Variants in SLC1A1 observed in about 807,000 individuals in gnomAD.
The protein encoded by SLC1A1 is solute carrier family 1 member 1, also known as excitatory amino acid transporter 3.
SLC1A1 carries 43 observed loss-of-function variants against 53.3 expected under a neutral mutation model. The ratio of observed to expected loss-of-function variants is 0.81; its 90% CI spans 0.63 to 1.04. The LOEUF (loss-of-function observed/expected upper bound fraction) is 1.04, where lower values mean the gene tolerates loss of function less well. SLC1A1 is among the 50% of genes least tolerant of loss of function. The pLI, the probability that SLC1A1 is intolerant of heterozygous loss-of-function variation, is 0.00. For missense variants in SLC1A1, 748 were observed against 664.9 expected (o/e 1.12, Z -1.37); for synonymous variants, 307 against 243.2 (o/e 1.26, Z -2.44).
intron 1 of SLC1A1, among the ~76,000 whole-genome samples, chr9:4,495,671 T>G (rs1300240182): frequency 1.3e-5 from 2 of 148,620 alleles, no homozygotes; most frequent in African/African-American, 5.0e-5. Flanking sequence ...AGGGAAAGAG[T>G]AGGAGGAGAT....
At chr9:4,497,090 T>A (rs919325153) in intron 1 of SLC1A1, among the ~76,000 whole-genome samples, 9 of 152,130 alleles carry the variant, frequency 5.9e-5, no homozygotes, top group Non-Finnish European at 1.2e-4. Context: ...TTCCTGTGGC[T>A]GCCCTAACAA....
At chr9:4,511,568 C>T (rs1273347445) in intron 1 of SLC1A1, among the ~76,000 whole-genome samples, 1 of 130,274 alleles carries the variant, frequency 7.7e-6, no homozygotes, top group Non-Finnish European at 1.7e-5. Flanking sequence ...AAGAATTCTA[C>T]ACACACACAC....
intron 5 of SLC1A1, among the ~76,000 whole-genome samples, 169 bp downstream of exon 5, chr9:4,566,258 C>G (rs1432542273): frequency 6.6e-6 from 1 of 152,186 alleles, no homozygotes; most frequent in African/African-American, 2.4e-5. Flanking sequence ...TTGTATGCAG[C>G]CTTTCTGGCT....
At chr9:4,527,707 T>C (rs900654222) in intron 1 of SLC1A1, among the ~76,000 whole-genome samples, 1 of 152,154 alleles carries the variant, frequency 6.6e-6, no homozygotes, top group Non-Finnish European at 1.5e-5. Context: ...CTAATGTCTA[T>C]GCGAACATCT....
chr9:4,585,423 C>T lies in SLC1A1; in HGVS notation c.1440C>T (p.Asn480=). The part of the protein sequence containing the change: ...LEQMDVSSEV[N]IVNPFALEST... ...AGATGGATGTTTCATCTGAAGTCAACATTGTGAATCCCTTTGCCTTGGAAT... is the reference window on the plus strand; with the variant it reads ...AGATGGATGTTTCATCTGAAGTCAATATTGTGAATCCCTTTGCCTTGGAAT... Residue 480 remains asparagine, a synonymous_variant, in exon 12 of 12, where the codon AAC becomes AAT. Coordinates refer to ENST00000262352, the MANE Select transcript of SLC1A1 (RefSeq NM_004170.6). 6.2e-7 allele frequency: 1 copy of T among 1,614,230 alleles called. No individual in the cohort carries two copies. Among genetic ancestry groups the T allele is most frequent in the South Asian group, 1.1e-5 (1 of 91,086 alleles).
chr9:4,557,414 T>C (rs1818515820), intron 2 of SLC1A1, among the ~76,000 whole-genome samples: 1 of 152,212 alleles, frequency 6.6e-6, no homozygotes, highest in Non-Finnish European at 1.5e-5. Flanking sequence ...CACTAAATGC[T>C]AAACACTGGT....
At chr9:4,544,281 G>A (rs756668888) in intron 1 of SLC1A1, among the ~76,000 whole-genome samples, 1 of 152,114 alleles carries the variant, frequency 6.6e-6, no homozygotes, top group Non-Finnish European at 1.5e-5. Context: ...TTTTCTCACA[G>A]TATTCTTTGA....
chr9:4,537,802 G>A (rs917063988), intron 1 of SLC1A1, among the ~76,000 whole-genome samples: 5 of 152,012 alleles, frequency 3.3e-5, no homozygotes, highest in South Asian at 2.1e-4. Flanking sequence ...ACTAACAGGT[G>A]TGGAATTTTG....
At chr9:4,505,237 TG>T (rs1430353591) in intron 1 of SLC1A1, among the ~76,000 whole-genome samples, 1 of 151,948 alleles carries the variant, frequency 6.6e-6, no homozygotes, top group African/African-American at 2.4e-5. Context: ...TTAATAAAGA[TG>T]GGGTTTCACC....
intron 7 of SLC1A1, among the ~76,000 whole-genome samples, chr9:4,573,000 G>T (rs1367058328): frequency 2.6e-5 from 4 of 152,170 alleles, no homozygotes; most frequent in African/African-American, 9.7e-5. Flanking sequence ...TTTAAAAAAT[G>T]ATTTGAAGGA....
chr9:4,517,123 G>A (rs1821187291), intron 1 of SLC1A1, among the ~76,000 whole-genome samples: 1 of 152,100 alleles, frequency 6.6e-6, no homozygotes, highest in Non-Finnish European at 1.5e-5. Flanking sequence ...AAAAGTGTTT[G>A]GGCCTTAGGC....
At chr9:4,513,356 A>G (rs1821057748) in intron 1 of SLC1A1, among the ~76,000 whole-genome samples, 1 of 152,218 alleles carries the variant, frequency 6.6e-6, no homozygotes, top group Non-Finnish European at 1.5e-5. Flanking sequence ...AAAACTAAGT[A>G]ATAAGAAAAC....
chr9:4,512,787 C>T (rs1352940578), intron 1 of SLC1A1, among the ~76,000 whole-genome samples: 1 of 151,706 alleles, frequency 6.6e-6, no homozygotes, highest in African/African-American at 2.4e-5. Flanking sequence ...TAAATTGAGA[C>T]AGGGTCTCAC....
rs1014428253 is a variant in SLC1A1, at chr9:4,544,741, T to G, written c.232+34T>G. The G allele has an allele frequency of 3.2e-6, 5 of 1,559,160 alleles. No individual in the cohort carries two copies. In the African/African-American group the frequency reaches 5.4e-5, roughly 17 times the overall value. On this transcript the variant is annotated intron_variant, in intron 2 of 11. Coordinates refer to ENST00000262352, the MANE Select transcript of SLC1A1 (RefSeq NM_004170.6). ...AGAAAACAGATGTTCTCTATATTAGTCCATTTTCATACTGCTGTAAAGAAC... is the reference window on the plus strand; with the variant it reads ...AGAAAACAGATGTTCTCTATATTAGGCCATTTTCATACTGCTGTAAAGAAC...
chr9:4,537,507 C>T (rs1245382192), intron 1 of SLC1A1, among the ~76,000 whole-genome samples: 1 of 58,120 alleles, frequency 1.7e-5, no homozygotes, highest in Non-Finnish European at 4.0e-5. Context: ...TGCAGTGAGC[C>T]GAGATTGCGC....
chr9:4,508,988 G>A (rs1160568647), intron 1 of SLC1A1, among the ~76,000 whole-genome samples: 2 of 152,046 alleles, frequency 1.3e-5, no homozygotes, highest in African/African-American at 4.8e-5. Flanking sequence ...TAGAAATTCA[G>A]ATAAAACTGA....
chr9:4,559,748 T>A (rs938572206), intron 2 of SLC1A1: 2 of 152,238 alleles, frequency 1.3e-5, no homozygotes, highest in Non-Finnish European at 2.9e-5. Flanking sequence ...TCATTTTCTA[T>A]AATGCTCCTT....
intron 1 of SLC1A1, among the ~76,000 whole-genome samples, chr9:4,493,098 G>A (rs1386716231): frequency 6.6e-6 from 1 of 152,192 alleles, no homozygotes; most frequent in Non-Finnish European, 1.5e-5. Flanking sequence ...TTTAATGTCT[G>A]TGAGCCCCAA....
chr9:4,518,335 G>T (rs776502917), intron 1 of SLC1A1, among the ~76,000 whole-genome samples: 8 of 150,152 alleles, frequency 5.3e-5, no homozygotes, highest in East Asian at 1.9e-4. Flanking sequence ...TGGTGAAAAG[G>T]TTCTTCTACT....
Sources: allele counts gnomAD v4.1 joint callset (sites outside exome capture counted in the v4.1 genomes callset), GRCh38; gene constraint gnomAD v4.1.1; transcripts MANE v1.5; gene names NCBI Gene and HGNC (gene_info 2026-07-23, HGNC 2026-07-21).